The following GMDS variants were observed in gnomAD, a reference collection of about 807,000 sequenced individuals.
GMDS encodes the protein GDP-mannose 4,6-dehydratase, also known as GDP-mannose 4,6 dehydratase.
GMDS carries 20 observed loss-of-function variants against 49.9 expected under a neutral mutation model. That is an observed-to-expected ratio of 0.40 (90% confidence interval 0.28 to 0.58). GMDS has a LOEUF of 0.58. Ranked by LOEUF, GMDS falls within the 20% of genes least tolerant of loss-of-function variation. GMDS has a pLI of 0.42. For missense variants in GMDS, 362 were observed against 481.4 expected (o/e 0.75, Z 2.32); for synonymous variants, 177 against 178.6 (o/e 0.99, Z 0.07).
At chr6:1,953,628 G>A (rs1763474584) in intron 6 of GMDS, among the ~76,000 whole-genome samples, 1 of 152,156 alleles carries the variant, frequency 6.6e-6, no homozygotes, top group Non-Finnish European at 1.5e-5. Context: ...CATTACATAT[G>A]TGATGAACAG....
intron 7 of GMDS, among the ~76,000 whole-genome samples, chr6:1,757,158 T>A (rs1767980679): frequency 6.6e-6 from 1 of 152,230 alleles, no homozygotes; most frequent in Non-Finnish European, 1.5e-5. Context: ...TTAATTAAGC[T>A]CCATCTATCT....
Position 2,044,902 on chromosome 6 carries a change from T to G in GMDS, c.345+70869A>C, listed in dbSNP as rs6925666. The stretch of plus-strand genomic sequence containing the variant: ...CTTTTCTGTGTGTGTGTGTGTGTGT[T>G]TTTTTCAGGCCTTTGATAACTTTAC... On this transcript the variant is annotated intron_variant, in intron 4 of 10. Transcript: ENST00000380815. Among the ~76,000 whole-genome samples, 1,399 of 151,746 alleles carry G rather than the reference T, an allele frequency of 9.2e-3. 5 individuals carry two copies. Among genetic ancestry groups the G allele is most frequent in the African/African-American group, 0.014 (585 of 41,424 alleles).
chr6:2,027,705 T>A (rs542509325), intron 4 of GMDS, among the ~76,000 whole-genome samples: 1 of 152,260 alleles, frequency 6.6e-6, no homozygotes, highest in African/African-American at 2.4e-5. Context: ...GTAAATAGCA[T>A]GTAATAATAC....
chr6:1,960,019 G>T, intron 5 of GMDS, 48 bp from the exon 6 acceptor site: 2 of 1,111,484 alleles, frequency 1.8e-6, no homozygotes, highest in Non-Finnish European at 2.7e-6. Flanking sequence ...GTAAAAGACA[G>T]TGATTCTCAC....
chr6:1,712,944 G>A (rs568587211), intron 9 of GMDS, among the ~76,000 whole-genome samples: 9 of 152,326 alleles, frequency 5.9e-5, no homozygotes, highest in African/African-American at 1.4e-4. Flanking sequence ...ACCAATGTCC[G>A]TGGATGACCA....
At position 1,635,175 on chromosome 6, in the gene GMDS, A is replaced by T. The variant is rs1299829766; in HGVS notation, c.988-10635T>A. ...GATCTCTCATATCATTCCATGGAGC[A>T]CGCCTTCTTGTTTTGATCCTGATTT... On this transcript the variant is annotated intron_variant, in intron 9 of 10. Transcript: ENST00000380815. This position sits in a 1 kb window ranked among gnomAD's most constrained non-coding sequence, Gnocchi z 4.7. 6.6e-6 allele frequency among the ~76,000 whole-genome samples: 1 copy of T among 152,108 alleles called. No homozygotes were observed. The highest frequency in any genetic ancestry group is 1.5e-5 in the Non-Finnish European group (1 of 68,030).
At chr6:2,010,438 T>C (rs903196094) in intron 4 of GMDS, among the ~76,000 whole-genome samples, 4 of 150,828 alleles carry the variant, frequency 2.7e-5, no homozygotes, top group African/African-American at 9.8e-5. Flanking sequence ...AAAAGACCCA[T>C]AGAGAAATGA....
At chr6:1,644,240 C>T (rs1302737577) in intron 9 of GMDS, among the ~76,000 whole-genome samples, 3 of 152,126 alleles carry the variant, frequency 2.0e-5, no homozygotes, top group South Asian at 4.1e-4. Flanking sequence ...TGATTCCACC[C>T]GAGCGAACGT....
At chr6:1,907,104 A>C (rs1339621362) in intron 7 of GMDS, among the ~76,000 whole-genome samples, 3 of 152,170 alleles carry the variant, frequency 2.0e-5, no homozygotes, top group Non-Finnish European at 4.4e-5. Context: ...GTCTGCAAGC[A>C]CACACTCTAA....
intron 4 of GMDS, among the ~76,000 whole-genome samples, chr6:2,095,953 C>T (rs1448904128): frequency 1.3e-5 from 2 of 152,088 alleles, no homozygotes; most frequent in Non-Finnish European, 1.5e-5. Flanking sequence ...TGAAGGACAT[C>T]ACAGATAGAG....
chr6:1,924,108 T>C (rs1297762675), intron 7 of GMDS, among the ~76,000 whole-genome samples: 1 of 152,262 alleles, frequency 6.6e-6, no homozygotes, highest in African/African-American at 2.4e-5. Context: ...ATCTGACAGC[T>C]GTCTCAGCCA....
Position 1,707,958 on chromosome 6 carries a change from C to G in GMDS, c.987+18458G>C, listed in dbSNP as rs115884917. Among the ~76,000 whole-genome samples the G allele has an allele frequency of 5.0e-3, 760 of 152,312 alleles. 4 individuals carry two copies. Among genetic ancestry groups the G allele is most frequent in the African/African-American group, 0.017 (726 of 41,566 alleles). The stretch of plus-strand genomic sequence containing the variant: ...TTCAAGTACCAAATCTGTTGTTGCA[C>G]CAAAGACTTCACAAACTAGGCTACA... On this transcript the variant is annotated intron_variant, in intron 9 of 10. Transcript: ENST00000380815.
intron 4 of GMDS, among the ~76,000 whole-genome samples, chr6:2,080,172 T>C (rs1271946670): frequency 6.6e-6 from 1 of 152,200 alleles, no homozygotes; most frequent in Non-Finnish European, 1.5e-5. Flanking sequence ...TTCTTTTTTA[T>C]GATAACTATC....
At chr6:1,976,870 A>T (rs529192844) in intron 4 of GMDS, among the ~76,000 whole-genome samples, 14 of 152,344 alleles carry the variant, frequency 9.2e-5, no homozygotes, top group African/African-American at 3.4e-4. Context: ...ATGGGAAAAC[A>T]CACCCTACAC....
At chr6:2,178,220 C>A (rs1209774217) in intron 1 of GMDS, among the ~76,000 whole-genome samples, 1 of 152,136 alleles carries the variant, frequency 6.6e-6, no homozygotes, top group East Asian at 1.9e-4. Context: ...TAAAGAAATA[C>A]CTGAGGCTAG....
chr6:2,154,514 A>G (rs1299160901), intron 1 of GMDS, among the ~76,000 whole-genome samples: 1 of 152,172 alleles, frequency 6.6e-6, no homozygotes, highest in East Asian at 1.9e-4. Context: ...GGATTTTGGC[A>G]TATAAAATAG....
chr6:1,864,175 G>A (rs540540495), intron 7 of GMDS, among the ~76,000 whole-genome samples: 2 of 152,138 alleles, frequency 1.3e-5, no homozygotes, highest in Admixed American at 1.3e-4. Flanking sequence ...TTATTTATTA[G>A]CATTACTACA....
At chr6:1,671,875 G>A (rs1764444287) in intron 9 of GMDS, among the ~76,000 whole-genome samples, 1 of 152,074 alleles carries the variant, frequency 6.6e-6, no homozygotes, top group African/African-American at 2.4e-5. Flanking sequence ...ATGTTGGCCA[G>A]GATGGCCTTG....
intron 4 of GMDS, among the ~76,000 whole-genome samples, chr6:2,102,578 T>C (rs549500638): frequency 2.2e-4 from 34 of 152,320 alleles, no homozygotes; most frequent in African/African-American, 4.8e-4. Flanking sequence ...CACGATGTTA[T>C]TGCATTAAGA....
Sources: allele counts gnomAD v4.1 joint callset (sites outside exome capture counted in the v4.1 genomes callset), GRCh38; gene constraint gnomAD v4.1.1; non-coding constraint Gnocchi (gnomAD v3.1); transcripts MANE v1.5; gene names NCBI Gene and HGNC (gene_info 2026-07-23, HGNC 2026-07-21).